UTRN: variants seen among roughly 807,000 people sequenced by gnomAD.
The protein encoded by UTRN is dystrophin-related protein 1.
A neutral mutation model predicts 463.9 loss-of-function variants in UTRN; 283 were observed. The ratio of observed to expected loss-of-function variants is 0.61; its 90% CI spans 0.55 to 0.67. UTRN has a LOEUF of 0.67. UTRN is among the 30% of genes least tolerant of loss of function. The pLI is 0.00. For missense variants in UTRN, 3,922 were observed against 4,084.3 expected (o/e 0.96, Z 1.08); for synonymous variants, 1,442 against 1,431.5 (o/e 1.01, Z -0.17).
intron 51 of UTRN, among the ~76,000 whole-genome samples, chr6:144,621,225 A>G (rs1775339372): frequency 6.6e-6 from 1 of 152,192 alleles, no homozygotes; most frequent in Admixed American, 6.5e-5. Flanking sequence ...TGTTATTAGG[A>G]GTGGGAATAG....
chr6:144,410,431 C>A (rs908940064), intron 3 of UTRN, among the ~76,000 whole-genome samples: 3 of 151,984 alleles, frequency 2.0e-5, no homozygotes, highest in African/African-American at 4.8e-5. Context: ...TGTTTTATTT[C>A]CATAGGTTTT....
chr6:144,819,911 C>CCTCCTGTCTCT (rs11397588), intron 65 of UTRN, among the ~76,000 whole-genome samples: 1,895 of 118,616 alleles, frequency 0.016, 22 homozygotes, highest in Non-Finnish European at 0.021. Flanking sequence ...TCCTCCTCCT[C>CCTCCTGTCTCT]CTCTCTCTCT....
chr6:144,776,386 A>T (rs1183742009), intron 60 of UTRN, among the ~76,000 whole-genome samples: 1 of 152,170 alleles, frequency 6.6e-6, no homozygotes, highest in Non-Finnish European at 1.5e-5. Flanking sequence ...CTCCACTGTG[A>T]ACTACTTTAG....
Position 144,678,666 on chromosome 6 carries a change from C to G in UTRN, c.7652+88C>G. On this transcript the variant is annotated intron_variant, in intron 52 of 74. Coordinates refer to ENST00000367545, the MANE Select transcript of UTRN (RefSeq NM_007124.3). ...TGTATATCAGAAAGAGAAAGCGCAG[C>G]CTTACCACCACTTCTATTTCATCAG... 3.4e-6 allele frequency: 4 copies of G among 1,169,882 alleles called. No individual in the cohort carries two copies. In the Admixed American group the frequency reaches 8.4e-5, roughly 25 times the overall value. The allele number at this position is 1,169,882 out of a possible 1,614,324, so 72.5% of individuals were successfully genotyped here. A position where few individuals can be genotyped will look rare whatever the true frequency, so the allele number is the denominator to read the frequency against.
At chr6:144,849,098 C>A (rs1283433940) in intron 74 of UTRN, among the ~76,000 whole-genome samples, 2 of 151,964 alleles carry the variant, frequency 1.3e-5, no homozygotes, top group Non-Finnish European at 2.9e-5. Flanking sequence ...TAGATGCAGG[C>A]AGCATTCAGA....
At chr6:144,777,689 G>T (rs376330334) in intron 60 of UTRN, among the ~76,000 whole-genome samples, 1 of 151,416 alleles carries the variant, frequency 6.6e-6, no homozygotes, top group African/African-American at 2.5e-5. Context: ...AGTATGTTCC[G>T]AGGAGGGGGA....
At chr6:144,832,581 T>C (rs769152282) in intron 69 of UTRN, among the ~76,000 whole-genome samples, 8 of 152,270 alleles carry the variant, frequency 5.3e-5, no homozygotes, top group African/African-American at 7.2e-5. Flanking sequence ...CTGTAGTAAA[T>C]GTTCTGAGGG....
At chr6:144,635,858 TA>T (rs1221607957) in intron 51 of UTRN, among the ~76,000 whole-genome samples, 4 of 152,070 alleles carry the variant, frequency 2.6e-5, no homozygotes, top group Admixed American at 6.6e-5. Flanking sequence ...CTGCTGCCTT[TA>T]AAAAAAATTT....
intron 13 of UTRN, among the ~76,000 whole-genome samples, chr6:144,440,955 G>T (rs762248179): frequency 5.3e-5 from 8 of 152,104 alleles, no homozygotes; most frequent in Non-Finnish European, 5.9e-5. Flanking sequence ...ATCAGACCTC[G>T]TGAGACTTAC....
intron 30 of UTRN, 47 bp from the exon 31 acceptor site, chr6:144,490,024 A>C: frequency 6.3e-7 from 1 of 1,580,392 alleles, no homozygotes; most frequent in African/African-American, 1.4e-5. Context: ...TTTTATACTT[A>C]AGTAAAAAAA....
At chr6:144,479,114 GT>G (rs36044387) in intron 25 of UTRN, among the ~76,000 whole-genome samples, 2,968 of 114,784 alleles carry the variant, frequency 0.026, 31 homozygotes, top group African/African-American at 0.095. Context: ...GCTTCTAGGG[GT>G]TTTTTTTTTT....
chr6:144,747,174 A>G (rs1017861548), intron 54 of UTRN, among the ~76,000 whole-genome samples: 4 of 152,316 alleles, frequency 2.6e-5, no homozygotes, highest in Middle Eastern at 3.4e-3. Flanking sequence ...GAAATTGCTA[A>G]TGTGATGTGT....
intron 52 of UTRN, among the ~76,000 whole-genome samples, chr6:144,689,239 C>G (rs909109010): frequency 6.6e-6 from 1 of 152,170 alleles, no homozygotes; most frequent in Admixed American, 6.5e-5. Flanking sequence ...TGCACCCACG[C>G]CAAGCTCCTG....
Position 144,719,321 on chromosome 6 carries a change from G to C in UTRN, c.7810-11036G>C, listed in dbSNP as rs144184671. Among the ~76,000 whole-genome samples, 1,106 of 152,300 alleles carry C rather than the reference G, an allele frequency of 7.3e-3. 7 individuals carry two copies. The highest frequency in any genetic ancestry group is 0.011 in the Non-Finnish European group (755 of 68,022). ...AGGCCAGGCTCAGTGGCTCATGCCT[G>C]TGATCATAGCACTTTGGGAGGCCGA... On this transcript the variant is annotated intron_variant, in intron 53 of 74. Coordinates refer to ENST00000367545, the MANE Select transcript of UTRN (RefSeq NM_007124.3).
chr6:144,487,199 C>T (rs1425709527), intron 28 of UTRN, among the ~76,000 whole-genome samples: 5 of 151,326 alleles, frequency 3.3e-5, no homozygotes, highest in African/African-American at 9.7e-5. Context: ...GACATAGTCT[C>T]GCTCTGTTGC....
chr6:144,767,685 A>G (rs1387939970), intron 58 of UTRN, among the ~76,000 whole-genome samples: 1 of 152,194 alleles, frequency 6.6e-6, no homozygotes, highest in Non-Finnish European at 1.5e-5. Flanking sequence ...CTCAAATAGC[A>G]TGTTATTACT....
At chr6:144,822,420 C>T (rs1299477978) in intron 66 of UTRN, among the ~76,000 whole-genome samples, 1 of 151,970 alleles carries the variant, frequency 6.6e-6, no homozygotes, top group African/African-American at 2.4e-5. Flanking sequence ...CATACACATA[C>T]AAAAGGTAAG....
chr6:144,454,786 A>G (rs569345804), intron 19 of UTRN, among the ~76,000 whole-genome samples: 1 of 152,272 alleles, frequency 6.6e-6, no homozygotes, highest in South Asian at 2.1e-4. Context: ...TCAGCCTCTC[A>G]ATTATTACTA....
At chr6:144,752,324 A>G (rs1282011388) in intron 56 of UTRN, among the ~76,000 whole-genome samples, 1 of 152,012 alleles carries the variant, frequency 6.6e-6, no homozygotes, top group Non-Finnish European at 1.5e-5. Context: ...AAAAATCAGG[A>G]AAGTCTCTAT....
Sources: gnomAD v4.1 joint callset for allele counts (sites outside exome capture counted in the v4.1 genomes callset) on GRCh38, gnomAD v4.1.1 for gene constraint, MANE v1.5 for transcripts, NCBI Gene and HGNC (gene_info 2026-07-23, HGNC 2026-07-21) for gene names.